The following ARHGAP24 variants were observed in gnomAD, a reference collection of about 807,000 sequenced individuals.
ARHGAP24 encodes the protein rho GTPase-activating protein 24.
A neutral mutation model predicts 76.4 loss-of-function variants in ARHGAP24; 50 were observed. That is an observed-to-expected ratio of 0.65 (90% CI 0.52 to 0.83). The LOEUF (loss-of-function observed/expected upper bound fraction) is 0.83, where lower values mean the gene tolerates loss of function less well. Among genes scored for constraint, ARHGAP24 ranks in the 40% least tolerant of loss-of-function variants. ARHGAP24 has a pLI of 0.00. For missense variants in ARHGAP24, 930 were observed against 914.2 expected, an observed-to-expected ratio of 1.02 and a Z score of -0.22; for synonymous variants, 345 against 323.3, an observed-to-expected ratio of 1.07 and a Z score of -0.72.
At chr4:85,485,376 AATATATATATATAT>A (rs56176066) in intron 1 of ARHGAP24, among the ~76,000 whole-genome samples, 736 of 44,942 alleles carry the variant, frequency 0.016, 11 homozygotes, top group East Asian at 0.05. Context: ...AAAAAAAAAA[AATATATATATATAT>A]ATATATATAT....
At chr4:85,510,572 CCTT>C (rs1008737273) in intron 1 of ARHGAP24, among the ~76,000 whole-genome samples, 2 of 147,514 alleles carry the variant, frequency 1.4e-5, no homozygotes, top group African/African-American at 5.0e-5. Context: ...CTTTCCTTCT[CCTT>C]CTTCCCTCCC....
At chr4:85,661,209 T>C (rs760951236) in intron 2 of ARHGAP24, among the ~76,000 whole-genome samples, 4 of 152,176 alleles carry the variant, frequency 2.6e-5, no homozygotes, top group Non-Finnish European at 4.4e-5. Context: ...AAAATACAGA[T>C]TGTGACTGGT....
chr4:85,491,939 C>T (rs577422660), intron 1 of ARHGAP24, among the ~76,000 whole-genome samples: 76 of 152,198 alleles, frequency 5.0e-4, no homozygotes, highest in African/African-American at 1.7e-3. Flanking sequence ...AGTGATAGGC[C>T]CCTTCCTCTT....
At chr4:85,844,139 A>G (rs1186202289) in intron 3 of ARHGAP24, among the ~76,000 whole-genome samples, 1 of 152,242 alleles carries the variant, frequency 6.6e-6, no homozygotes, top group Non-Finnish European at 1.5e-5. Flanking sequence ...CTTTATTAGT[A>G]TTGTTAATAA....
intron 2 of ARHGAP24, among the ~76,000 whole-genome samples, chr4:85,647,017 A>G (rs896565696): frequency 6.6e-6 from 1 of 152,132 alleles, no homozygotes; most frequent in Admixed American, 6.6e-5. Flanking sequence ...TGAGAATATA[A>G]GGATAGTAGA....
rs572805619 is a variant in ARHGAP24, at chr4:85,522,129, A to G, written c.-21+46570A>G. On this transcript the variant is annotated intron_variant, in intron 1 of 9. Transcript: ENST00000395184. ...AATATCCAATTAAAAATTCATTAAA[A>G]CAAATAGAAAAATGCAAGTCCATCT... Among the ~76,000 whole-genome samples, 8 of 152,312 alleles carry G rather than the reference A, an allele frequency of 5.3e-5. No individual in the cohort carries two copies. In the South Asian group the frequency reaches 1.4e-3, roughly 28 times the overall value.
chr4:85,483,630 T>A (rs1463713782), intron 1 of ARHGAP24, among the ~76,000 whole-genome samples: 1 of 151,864 alleles, frequency 6.6e-6, no homozygotes, highest in Non-Finnish European at 1.5e-5. Flanking sequence ...AATAAATAAA[T>A]AAACAAACAA....
intron 2 of ARHGAP24, among the ~76,000 whole-genome samples, chr4:85,716,266 C>T (rs961579642): frequency 6.6e-6 from 1 of 151,998 alleles, no homozygotes; most frequent in African/African-American, 2.4e-5. Context: ...TATGAGCTTT[C>T]TTTTTAATAG....
At chr4:85,765,553 T>G in intron 3 of ARHGAP24, among the ~76,000 whole-genome samples, 1 of 152,126 alleles carries the variant, frequency 6.6e-6, no homozygotes, top group Non-Finnish European at 1.5e-5. Flanking sequence ...GTAGTTTAAA[T>G]AGAGAGTTGT....
intron 2 of ARHGAP24, among the ~76,000 whole-genome samples, chr4:85,665,227 G>C (rs1197333594): frequency 1.3e-5 from 2 of 152,146 alleles, no homozygotes; most frequent in Non-Finnish European, 2.9e-5. Context: ...ATTTAGGATA[G>C]TTAGCTCTTC....
chr4:85,722,120 G>C, intron 3 of ARHGAP24, 148 bp downstream of exon 3: 2 of 687,896 alleles, frequency 2.9e-6, no homozygotes, highest in Non-Finnish European at 5.1e-6. Context: ...AATGACTGCA[G>C]GTTTATATAC....
intron 3 of ARHGAP24, among the ~76,000 whole-genome samples, chr4:85,788,953 C>T (rs1283697017): frequency 6.6e-6 from 1 of 152,086 alleles, no homozygotes; most frequent in Non-Finnish European, 1.5e-5. Flanking sequence ...GCCTTTGTTC[C>T]TTTCTCCTGG....
At chr4:85,895,859 A>G (rs1222007386) in intron 3 of ARHGAP24, among the ~76,000 whole-genome samples, 1 of 152,148 alleles carries the variant, frequency 6.6e-6, no homozygotes, top group Non-Finnish European at 1.5e-5. Context: ...TGCCTACCTG[A>G]TAATATGGAA....
intron 1 of ARHGAP24, among the ~76,000 whole-genome samples, chr4:85,503,009 A>G (rs1258345580): frequency 6.6e-6 from 1 of 152,126 alleles, no homozygotes; most frequent in African/African-American, 2.4e-5. Context: ...TGTTTATGTG[A>G]TGGATTACAA....
At chr4:85,572,149 G>A (rs183852735) in intron 2 of ARHGAP24, among the ~76,000 whole-genome samples, 5 of 152,106 alleles carry the variant, frequency 3.3e-5, no homozygotes, top group East Asian at 3.9e-4. Flanking sequence ...TACCCTCCAC[G>A]GTTCTTTTCT....
intron 2 of ARHGAP24, among the ~76,000 whole-genome samples, chr4:85,672,380 C>G (rs977919663): frequency 1.3e-5 from 2 of 152,174 alleles, no homozygotes; most frequent in African/African-American, 4.8e-5. Flanking sequence ...TTTCTCAACT[C>G]TCGGACTTCC....
intron 1 of ARHGAP24, among the ~76,000 whole-genome samples, chr4:85,567,943 T>C (rs1726912530): frequency 6.6e-6 from 1 of 152,216 alleles, no homozygotes. Flanking sequence ...TAGTCTTCAA[T>C]TAGCATTAGT....
At chr4:85,588,071 T>A (rs1727931983) in intron 2 of ARHGAP24, among the ~76,000 whole-genome samples, 1 of 152,172 alleles carries the variant, frequency 6.6e-6, no homozygotes. Context: ...GCTGAGGGGA[T>A]AACATGCAGA....
intron 2 of ARHGAP24, among the ~76,000 whole-genome samples, chr4:85,592,181 A>T (rs988386353): frequency 6.6e-6 from 1 of 152,218 alleles, no homozygotes; most frequent in Admixed American, 6.5e-5. Context: ...GTGGGTGCAT[A>T]GTAGAAATAT....
Sources: gnomAD v4.1 joint callset for allele counts (sites outside exome capture counted in the v4.1 genomes callset) on GRCh38, gnomAD v4.1.1 for gene constraint, MANE v1.5 for transcripts, NCBI Gene and HGNC (gene_info 2026-07-23, HGNC 2026-07-21) for gene names.